The following CLCN5 variants were observed in gnomAD, a reference collection of about 807,000 sequenced individuals.
CLCN5 encodes the protein H(+)/Cl(-) exchange transporter 5.
CLCN5 carries 17 observed loss-of-function variants against 54.0 expected under a neutral mutation model. The observed-to-expected ratio is 0.31, with a 90% CI of 0.22 to 0.47. The LOEUF is 0.47. CLCN5 is among the 20% of genes least tolerant of loss of function. CLCN5 has a pLI of 1.00. For missense variants in CLCN5, 448 were observed against 646.7 expected (o/e 0.69, Z 3.33); for synonymous variants, 222 against 233.0 (o/e 0.95, Z 0.43).
At chrX:49,959,508 A>AT (rs1357883545) in intron 3 of CLCN5, among the ~76,000 whole-genome samples, 16 of 111,022 alleles carry the variant, frequency 1.4e-4, no homozygotes, top group East Asian at 1.1e-3. Context: ...ATTCGCAGCC[A>AT]TTTTTTTTCC....
chrX:49,990,046 T>A lies in CLCN5; in HGVS notation c.17-52270T>A, dbSNP rs1929178469. On this transcript the variant is annotated intron_variant, in intron 3 of 14. Coordinates refer to ENST00000376091, the MANE Select transcript of CLCN5 (RefSeq NM_001127898.4). ...GCATTTCCATCTCAACCAGTGAGTTTATTCCAAATTCCTGGAATAAGCATT... is the reference window on the plus strand; with the variant it reads ...GCATTTCCATCTCAACCAGTGAGTTAATTCCAAATTCCTGGAATAAGCATT... Among the ~76,000 whole-genome samples the A allele has an allele frequency of 1.8e-5, 2 of 112,318 alleles. 1 individual carries two copies. The highest frequency in any genetic ancestry group is 1.9e-4 in the Admixed American group (2 of 10,621).
intron 4 of CLCN5, among the ~76,000 whole-genome samples, chrX:50,057,499 A>G (rs1440887265): frequency 0.057 from 4 of 70 alleles, no homozygotes; most frequent in African/African-American, 0.5. Context: ...GATACTATCC[A>G]GGACTCTCCT....
At chrX:49,942,002 T>G (rs1557171018) in intron 3 of CLCN5, among the ~76,000 whole-genome samples, 1 of 93,721 alleles carries the variant, frequency 1.1e-5, no homozygotes, top group Non-Finnish European at 2.1e-5. Context: ...TCACAACCAC[T>G]GCCACCTGCA....
chrX:50,051,691 T>C (rs1230781274), intron 4 of CLCN5, among the ~76,000 whole-genome samples: 1 of 112,102 alleles, frequency 8.9e-6, no homozygotes, highest in Non-Finnish European at 1.9e-5. Flanking sequence ...AATCAGTATT[T>C]TGTAGTTTTC....
intron 3 of CLCN5, among the ~76,000 whole-genome samples, chrX:49,964,057 A>G (rs889005507): frequency 8.9e-6 from 1 of 112,260 alleles, no homozygotes; most frequent in African/African-American, 3.2e-5. Context: ...TCCAGCAACC[A>G]TTTATTGAGC....
Position 50,080,607 on chromosome X carries a change from A to G in CLCN5, c.617A>G (p.Tyr206Cys), listed in dbSNP as rs376001902. 7 of 1,208,090 alleles carry G rather than the reference A, an allele frequency of 5.8e-6. No homozygotes were observed. Among genetic ancestry groups the G allele is most frequent in the Non-Finnish European group, 5.6e-6 (5 of 893,691 alleles). ...CCCCTGTTCCAGGGAGCCTTTGCCTACATAGTCAATTATTTCATGTACGTC... is the reference window on the plus strand; with the variant it reads ...CCCCTGTTCCAGGGAGCCTTTGCCTGCATAGTCAATTATTTCATGTACGTC... ...IISTDEGAFA[Y>C]IVNYFMYVLW... Residue 206 changes from tyrosine to cysteine, a missense_variant, in exon 8 of 15, where the codon TAC becomes TGC. Transcript: ENST00000376091.
chrX:50,093,715 CTGTT>C lies in CLCN5; in HGVS notation c.*1499_*1502del, dbSNP rs1380056229. Reference sequence around the variant, plus strand: ...TTCTTACTCCTTAGTACCAAATCCTCTGTTTGGGATTGAGCGCTGCTCCTGGTTA... The same window carrying C: ...TTCTTACTCCTTAGTACCAAATCCTCTGGGATTGAGCGCTGCTCCTGGTTA... On this transcript the variant is annotated 3_prime_UTR_variant, in exon 15 of 15. Coordinates refer to ENST00000376091, the MANE Select transcript of CLCN5 (RefSeq NM_001127898.4). 3 of 111,708 alleles carry C rather than the reference CTGTT, an allele frequency of 2.7e-5. No individual in the cohort carries two copies. Among genetic ancestry groups the C allele is most frequent in the Non-Finnish European group, 3.8e-5 (2 of 53,152 alleles). 9.2% of individuals were successfully genotyped at this position (111,708 alleles called of 1,213,427 possible). A position where few individuals can be genotyped will look rare whatever the true frequency, so the allele number is the denominator to read the frequency against.
chrX:50,012,399 A>T (rs1323982631), intron 3 of CLCN5, among the ~76,000 whole-genome samples: 5 of 112,520 alleles, frequency 4.4e-5, no homozygotes, highest in Non-Finnish European at 9.4e-5. Flanking sequence ...ACACATGCAT[A>T]TGAAGAAAAG....
chrX:49,971,917 G>A (rs140155566), intron 3 of CLCN5, among the ~76,000 whole-genome samples: 1 of 111,744 alleles, frequency 8.9e-6, no homozygotes, highest in East Asian at 2.8e-4. Flanking sequence ...AATCTGCCAG[G>A]TTCCTTACTC....
chrX:49,944,133 T>A (rs1359897630), intron 3 of CLCN5, among the ~76,000 whole-genome samples: 1 of 111,748 alleles, frequency 8.9e-6, no homozygotes, highest in Non-Finnish European at 1.9e-5. Context: ...CCTTGTAAGT[T>A]GGATTACTAG....
In CLCN5 at chrX:49,994,737, A is replaced by T. The variant is rs146490796; in HGVS notation, c.17-47579A>T. Among the ~76,000 whole-genome samples the T allele has an allele frequency of 1.3e-4, 15 of 111,821 alleles. No homozygotes were observed. The East Asian group carries it at 3.7e-3, about 27-fold the overall frequency. ...ATGACTCTTCTGCTGCATAAACCCT[A>T]GGGACAGCATAAGATAGAAGTTTAT... On this transcript the variant is annotated intron_variant, in intron 3 of 14. Coordinates refer to ENST00000376091, the MANE Select transcript of CLCN5 (RefSeq NM_001127898.4).
At chrX:49,992,886 T>A (rs2147361021) in intron 3 of CLCN5, among the ~76,000 whole-genome samples, 1 of 112,380 alleles carries the variant, frequency 8.9e-6, no homozygotes, top group South Asian at 3.7e-4. Context: ...AAAATCTAAC[T>A]GTTGCAGTTA....
rs1934234705 is a variant in CLCN5, at chrX:50,095,459, T to C, written c.*3240T>C. On this transcript the variant is annotated 3_prime_UTR_variant, in exon 15 of 15. Transcript: ENST00000376091. ...ATCCTGGCTCAGCCCAGCTGTGGAG[T>C]AGAGGTGGTAAGATCCACAGAACAG... 8.9e-6 allele frequency: 1 copy of C among 112,170 alleles called. No homozygotes were observed. Among genetic ancestry groups the C allele is most frequent in the Non-Finnish European group, 1.9e-5 (1 of 53,199 alleles). 9.2% of individuals were successfully genotyped at this position (112,170 alleles called of 1,213,427 possible). A position where few individuals can be genotyped will look rare whatever the true frequency, so the allele number is the denominator to read the frequency against.
chrX:49,959,839 CATG>C (rs1261464028), intron 3 of CLCN5, among the ~76,000 whole-genome samples: 1 of 111,084 alleles, frequency 9.0e-6, no homozygotes, highest in African/African-American at 3.3e-5. Context: ...GATGTCACAG[CATG>C]ATATTTCCTT....
intron 3 of CLCN5, among the ~76,000 whole-genome samples, chrX:49,939,373 G>C (rs916896004): frequency 9.0e-6 from 1 of 110,670 alleles, no homozygotes; most frequent in Non-Finnish European, 1.9e-5. Context: ...CAATAGCAAA[G>C]ACTTGGAACC....
At chrX:50,052,236 A>G (rs1266590087) in intron 4 of CLCN5, among the ~76,000 whole-genome samples, 9 of 111,801 alleles carry the variant, frequency 8.1e-5, no homozygotes, top group Non-Finnish European at 1.5e-4. Context: ...TTAATCATGA[A>G]TGGATATTAA....
At chrX:49,925,455 A>G (rs1029791446) in intron 3 of CLCN5, 141 bp downstream of exon 3, 136 of 580,623 alleles carry the variant, frequency 2.3e-4, no homozygotes, top group Non-Finnish European at 4.0e-5. Context: ...GGGACAAAAC[A>G]CATTAGTTTA....
At chrX:50,029,120 T>G (rs1344974413) in intron 3 of CLCN5, among the ~76,000 whole-genome samples, 1 of 112,437 alleles carries the variant, frequency 8.9e-6, no homozygotes, top group African/African-American at 3.2e-5. Flanking sequence ...TTAGCAACTA[T>G]TAAGTTCAAA....
In CLCN5 at chrX:50,069,703, T is replaced by C. The variant is rs2294165; in HGVS notation, c.164-176T>C. ...CTTTAGCCACTCATCATTTTGTGCC[T>C]ACACCACAGAAACCTCTGAATGTAA... is the stretch of plus-strand genomic sequence containing the variant. On this transcript the variant is annotated intron_variant, in intron 4 of 14. Coordinates refer to ENST00000376091, the MANE Select transcript of CLCN5 (RefSeq NM_001127898.4). 7.4e-4 allele frequency: 766 copies of C among 1,035,509 alleles called. 32 individuals are homozygous for C. The East Asian group carries it at 0.013, about 17-fold the overall frequency. 85.3% of individuals were successfully genotyped at this position (1,035,509 alleles called of 1,213,427 possible).
Sources: allele counts gnomAD v4.1 joint callset (sites outside exome capture counted in the v4.1 genomes callset), GRCh38; gene constraint gnomAD v4.1.1; transcripts MANE v1.5; gene names NCBI Gene and HGNC (gene_info 2026-07-23, HGNC 2026-07-21).